GRAMD1B: variants seen among roughly 807,000 people sequenced by gnomAD.
The protein encoded by GRAMD1B is protein Aster-B.
In GRAMD1B, 37 loss-of-function variants were observed where a neutral mutation model predicts 99.7. The ratio of observed to expected loss-of-function variants is 0.37; its 90% CI spans 0.29 to 0.49. GRAMD1B has a LOEUF of 0.49. Among genes scored for constraint, GRAMD1B ranks in the 20% least tolerant of loss-of-function variants. The probability of loss-of-function intolerance (pLI) is 0.98; values close to 1 mark genes in which losing one functional copy is unlikely to be tolerated. For synonymous variants in GRAMD1B, 427 were observed against 387.6 expected (o/e 1.10, Z -1.19); for missense variants, 888 against 1,009.2 (o/e 0.88, Z 1.63).
At chr11:123,416,451 A>G (rs1948235952) in intron 1 of GRAMD1B, among the ~76,000 whole-genome samples, 1 of 152,236 alleles carries the variant, frequency 6.6e-6, no homozygotes, top group Non-Finnish European at 1.5e-5. Context: ...TAATGATCAT[A>G]ATTATACCAA....
chr11:123,477,484 G>A (rs937262911), intron 1 of GRAMD1B, among the ~76,000 whole-genome samples: 1 of 151,644 alleles, frequency 6.6e-6, no homozygotes, highest in Admixed American at 6.6e-5. Context: ...CAGTGTTAAG[G>A]CATCTTTCAG....
At chr11:123,595,565 A>G (rs777893930) in intron 6 of GRAMD1B, among the ~76,000 whole-genome samples, 11 of 152,178 alleles carry the variant, frequency 7.2e-5, no homozygotes, top group Non-Finnish European at 1.5e-4. Context: ...AAGTGCTGTG[A>G]TTACAGATGT....
In GRAMD1B at chr11:123,432,044, T is replaced by A. The variant is rs149837802; in HGVS notation, c.374+878T>A. 1.1e-3 allele frequency: 440 copies of A among 398,674 alleles called. 5 individuals are homozygous for A. The East Asian group carries it at 0.016, about 14-fold the overall frequency. The allele number at this position is 398,674 out of a possible 1,614,324, so 24.7% of individuals were successfully genotyped here. On this transcript the variant is annotated intron_variant, in intron 1 of 19. Transcript: ENST00000635736. ...GTCCTGTCTCTTAATGGATTTGTGT[T>A]CTTGTGCGGAGCAACTGAGTCATTG...
intron 2 of GRAMD1B, chr11:123,525,927 C>T: frequency 3.5e-6 from 2 of 578,736 alleles, no homozygotes; most frequent in South Asian, 4.4e-5. Context: ...TGTCCTTTGC[C>T]TCCAAGCCCA....
In GRAMD1B at chr11:123,549,454, A is replaced by C. The variant is rs540151377; in HGVS notation, c.453-27913A>C. On this transcript the variant is annotated intron_variant, in intron 2 of 19. Transcript: ENST00000635736. ...CTACTCGGGAAGCTGAGGCAGGAGA[A>C]CGGCGTGAACCTGGGAGGCAGAGCT... Among the ~76,000 whole-genome samples the C allele has an allele frequency of 9.1e-4, 138 of 152,154 alleles. 4 individuals are homozygous for C. Among genetic ancestry groups the C allele is most frequent in the Admixed American group, 8.8e-3 (134 of 15,278 alleles).
chr11:123,616,007 A>T (rs1954324638), intron 17 of GRAMD1B, among the ~76,000 whole-genome samples: 1 of 152,190 alleles, frequency 6.6e-6, no homozygotes, highest in African/African-American at 2.4e-5. Flanking sequence ...AGAAACGAAG[A>T]TATTTTTACA....
At chr11:123,585,760 T>C (rs1343120972) in intron 4 of GRAMD1B, among the ~76,000 whole-genome samples, 1 of 152,168 alleles carries the variant, frequency 6.6e-6, no homozygotes, top group East Asian at 1.9e-4. Flanking sequence ...CAGGCCCCCA[T>C]AGGGGAACAG....
chr11:123,430,570 G>A lies in GRAMD1B; in HGVS notation c.-223G>A, dbSNP rs979410231. Reference sequence around the variant, plus strand: ...CCGGGTGGCCTCGCCGGCGGCTGACGGCCCGGAGGACGCGCGCTCCGAAAA... The same window carrying A: ...CCGGGTGGCCTCGCCGGCGGCTGACAGCCCGGAGGACGCGCGCTCCGAAAA... On this transcript the variant is annotated 5_prime_UTR_variant, in exon 1 of 20. Coordinates refer to ENST00000635736, the MANE Select transcript of GRAMD1B (RefSeq NM_001387025.1). The A allele has an allele frequency of 2.2e-6, 1 of 449,520 alleles. No homozygotes were observed. Among genetic ancestry groups the A allele is most frequent in the South Asian group, 4.8e-5 (1 of 20,938 alleles). 27.8% of individuals were successfully genotyped at this position (449,520 alleles called of 1,614,324 possible). A position where few individuals can be genotyped will look rare whatever the true frequency, so the allele number is the denominator to read the frequency against.
At chr11:123,508,112 G>A (rs930763944) in intron 2 of GRAMD1B, among the ~76,000 whole-genome samples, 3 of 152,188 alleles carry the variant, frequency 2.0e-5, no homozygotes, top group East Asian at 1.9e-4. Context: ...TATTTTCTGC[G>A]GCTATAACAG....
intron 1 of GRAMD1B, among the ~76,000 whole-genome samples, chr11:123,396,345 G>T: frequency 6.7e-6 from 1 of 150,056 alleles, no homozygotes; most frequent in Non-Finnish European, 1.5e-5. Flanking sequence ...GCACAATCTT[G>T]GCTCACTACA....
Position 123,446,351 on chromosome 11 carries a change from AG to A in GRAMD1B, c.374+15186del, listed in dbSNP as rs946482631. ...CGGCTAATATTTGTGTTTTTAGTAG[AG>A]ATGGGGTTTCACCATGTTGGCCAGG... On this transcript the variant is annotated intron_variant, in intron 1 of 19. Coordinates refer to ENST00000635736, the MANE Select transcript of GRAMD1B (RefSeq NM_001387025.1). 2.0e-4 allele frequency among the ~76,000 whole-genome samples: 31 copies of A among 152,180 alleles called. 1 individual carries two copies. The South Asian group carries it at 4.6e-3, about 22-fold the overall frequency.
chr11:123,515,100 C>T (rs1473793589), intron 2 of GRAMD1B, among the ~76,000 whole-genome samples: 3 of 152,310 alleles, frequency 2.0e-5, no homozygotes, highest in African/African-American at 2.4e-5. Context: ...ACTGACACGA[C>T]GTAGTTCCTA....
At chr11:123,570,143 C>T (rs949841033) in intron 2 of GRAMD1B, among the ~76,000 whole-genome samples, 3 of 152,148 alleles carry the variant, frequency 2.0e-5, no homozygotes, top group African/African-American at 7.2e-5. Flanking sequence ...TTCTTGGGAG[C>T]GTAGTGGTTC....
intron 2 of GRAMD1B, among the ~76,000 whole-genome samples, chr11:123,551,416 G>T (rs1002260924): frequency 6.6e-6 from 1 of 152,190 alleles, no homozygotes; most frequent in Non-Finnish European, 1.5e-5. Context: ...ACTCTACGAT[G>T]TTGTACTTTG....
intron 2 of GRAMD1B, among the ~76,000 whole-genome samples, chr11:123,497,592 G>T (rs911211474): frequency 1.3e-5 from 2 of 152,120 alleles, no homozygotes; most frequent in African/African-American, 4.8e-5. Flanking sequence ...AATTTACCTG[G>T]TGTTCTATTC....
chr11:123,526,374 T>G lies in GRAMD1B; in HGVS notation c.452+45481T>G, dbSNP rs529584486. Among the ~76,000 whole-genome samples the G allele has an allele frequency of 2.0e-4, 30 of 152,230 alleles. No homozygotes were observed. In the Middle Eastern group the frequency reaches 0.01, roughly 52 times the overall value. On this transcript the variant is annotated intron_variant, in intron 2 of 19. Transcript: ENST00000635736. The stretch of plus-strand genomic sequence containing the variant: ...GCACTGCTGCACTATTTTCCTTACC[T>G]TCTTCGAGGTCGGGGGTTTTGTGGA...
At chr11:123,452,455 G>A (rs1033606862) in intron 1 of GRAMD1B, among the ~76,000 whole-genome samples, 1 of 152,102 alleles carries the variant, frequency 6.6e-6, no homozygotes, top group African/African-American at 2.4e-5. Context: ...AGACCAGCCT[G>A]GCCAACATGG....
chr11:123,461,855 C>A (rs1950430384), intron 1 of GRAMD1B, among the ~76,000 whole-genome samples: 2 of 151,958 alleles, frequency 1.3e-5, no homozygotes, highest in African/African-American at 2.4e-5. Flanking sequence ...ATACCCCCGC[C>A]TCAGCCTCCC....
At chr11:123,586,827 A>T (rs749145154) in intron 4 of GRAMD1B, among the ~76,000 whole-genome samples, 59 of 152,212 alleles carry the variant, frequency 3.9e-4, no homozygotes, top group South Asian at 2.1e-3. Flanking sequence ...AGCTTTGCTG[A>T]CTGTCCCTCT....
Sources: allele counts gnomAD v4.1 joint callset (sites outside exome capture counted in the v4.1 genomes callset), GRCh38; gene constraint gnomAD v4.1.1; transcripts MANE v1.5; gene names NCBI Gene and HGNC (gene_info 2026-07-23, HGNC 2026-07-21).